BANK1: variants seen among roughly 807,000 people sequenced by gnomAD.
BANK1 encodes the protein B cell scaffold protein with ankyrin repeats 1.
In BANK1, 95 loss-of-function variants were observed where a neutral mutation model predicts 94.5. That is an observed-to-expected ratio of 1.00 (90% confidence interval 0.85 to 1.19). The LOEUF (loss-of-function observed/expected upper bound fraction) is 1.19. BANK1 is among the 50% of genes most tolerant of loss of function. The pLI, the probability that BANK1 is intolerant of heterozygous loss-of-function variation, is 0.00. For synonymous variants in BANK1, 334 were observed against 308.4 expected, an observed-to-expected ratio of 1.08 and a Z score of -0.87; for missense variants, 987 against 932.2, an observed-to-expected ratio of 1.06 and a Z score of -0.77.
At chr4:101,865,078 G>A (rs1304350921) in intron 4 of BANK1, among the ~76,000 whole-genome samples, 1 of 152,106 alleles carries the variant, frequency 6.6e-6, no homozygotes, top group African/African-American at 2.4e-5. Context: ...AGGATGGAAG[G>A]TCAGAAAGAC....
In BANK1 at chr4:101,902,078, C is replaced by T. The variant is rs771518861; in HGVS notation, c.1009+6668C>T. On this transcript the variant is annotated intron_variant, in intron 6 of 16. Coordinates refer to ENST00000322953, the MANE Select transcript of BANK1 (RefSeq NM_017935.5). ...CCTGGCCCATCTCCAGCCAATTTTA[C>T]ACCATTCCTATCTGGCTAAGTATCC... is the stretch of plus-strand genomic sequence containing the variant. 5.9e-5 allele frequency among the ~76,000 whole-genome samples: 9 copies of T among 152,178 alleles called. 1 individual carries two copies. The highest frequency in any genetic ancestry group is 5.2e-4 in the Admixed American group (8 of 15,274).
intron 7 of BANK1, among the ~76,000 whole-genome samples, chr4:101,963,146 C>T (rs1422968772): frequency 6.6e-6 from 1 of 152,008 alleles, no homozygotes; most frequent in Non-Finnish European, 1.5e-5. Flanking sequence ...ATCTTATTTA[C>T]TGAATTTTAT....
At chr4:101,959,810 G>A (rs1176362586) in intron 7 of BANK1, among the ~76,000 whole-genome samples, 2 of 152,178 alleles carry the variant, frequency 1.3e-5, no homozygotes, top group African/African-American at 4.8e-5. Context: ...GAAATTGTTT[G>A]TGGCTAAACT....
intron 6 of BANK1, among the ~76,000 whole-genome samples, chr4:101,897,969 A>C (rs1722148621): frequency 6.6e-6 from 1 of 151,726 alleles, no homozygotes; most frequent in Non-Finnish European, 1.5e-5. Context: ...TATCTGAAAA[A>C]AATTATAAAA....
At chr4:101,810,281 T>A (rs1725696440) in intron 1 of BANK1, among the ~76,000 whole-genome samples, 1 of 152,234 alleles carries the variant, frequency 6.6e-6, no homozygotes, top group Non-Finnish European at 1.5e-5. Flanking sequence ...CTTTCAGAAC[T>A]GTAAGATAAT....
intron 1 of BANK1, among the ~76,000 whole-genome samples, chr4:101,828,752 C>CA: frequency 6.6e-6 from 1 of 152,186 alleles, no homozygotes; most frequent in South Asian, 2.1e-4. Flanking sequence ...CTAAAGAAAT[C>CA]AAGACCAACC....
At chr4:101,852,438 C>T (rs1038749661) in intron 2 of BANK1, among the ~76,000 whole-genome samples, 1 of 142,578 alleles carries the variant, frequency 7.0e-6, no homozygotes, top group East Asian at 2.0e-4. Flanking sequence ...ACATGACCCA[C>T]AAGCCAGAAA....
chr4:101,811,635 T>TA (rs1215570756), intron 1 of BANK1, among the ~76,000 whole-genome samples: 1 of 152,134 alleles, frequency 6.6e-6, no homozygotes, highest in South Asian at 2.1e-4. Flanking sequence ...TGATACATTT[T>TA]AAAAATGCCA....
At chr4:101,954,508 G>A (rs1207541234) in intron 7 of BANK1, among the ~76,000 whole-genome samples, 3 of 152,056 alleles carry the variant, frequency 2.0e-5, no homozygotes, top group Non-Finnish European at 2.9e-5. Context: ...TAAACCCCAT[G>A]GTACCAGAAC....
At position 101,840,211 on chromosome 4, in the gene BANK1, G is replaced by A. The variant is rs767668367; in HGVS notation, c.469+10005G>A. ...TCTCGATCTCCTGACCTCGTGATCC[G>A]CCCGCCTCGGCCTCCCGAAGTGCTG... On this transcript the variant is annotated intron_variant, in intron 2 of 16. Transcript: ENST00000322953. 3.7e-4 allele frequency among the ~76,000 whole-genome samples: 56 copies of A among 151,006 alleles called. 1 individual carries two copies. The highest frequency in any genetic ancestry group is 6.6e-4 in the Non-Finnish European group (45 of 67,774).
chr4:101,985,681 A>G (rs1286741062), intron 7 of BANK1, among the ~76,000 whole-genome samples: 1 of 152,116 alleles, frequency 6.6e-6, no homozygotes, highest in Non-Finnish European at 1.5e-5. Context: ...TGCATGTTCA[A>G]TCATGTTTCC....
intron 16 of BANK1, 57 bp from the exon 17 acceptor site, chr4:102,073,944 TAATC>T: frequency 2.4e-6 from 1 of 422,054 alleles, no homozygotes; most frequent in Non-Finnish European, 4.2e-6. Context: ...TAATGCCAAT[TAATC>T]AATTTAAATT....
In BANK1 at chr4:102,065,645, T is replaced by A. The variant is rs1728566356; in HGVS notation, c.2212+2507T>A. ...TTAGCAAACAGACTTTAAAGCACCTTAAACACTGAATTAGTGAAAAATGTG... is the reference window on the plus strand; with the variant it reads ...TTAGCAAACAGACTTTAAAGCACCTAAAACACTGAATTAGTGAAAAATGTG... On this transcript the variant is annotated intron_variant, in intron 13 of 16. Coordinates refer to ENST00000322953, the MANE Select transcript of BANK1 (RefSeq NM_017935.5). Among the ~76,000 whole-genome samples the A allele has an allele frequency of 2.0e-5, 3 of 151,912 alleles. No individual in the cohort carries two copies. The South Asian group carries it at 6.2e-4, about 32-fold the overall frequency.
intron 7 of BANK1, among the ~76,000 whole-genome samples, chr4:102,014,728 T>C (rs770683441): frequency 2.0e-5 from 3 of 152,134 alleles, no homozygotes; most frequent in Non-Finnish European, 4.4e-5. Flanking sequence ...ACAAGGTATT[T>C]TCGACTAATT....
intron 6 of BANK1, among the ~76,000 whole-genome samples, chr4:101,907,909 C>T (rs1384186576): frequency 3.3e-5 from 5 of 152,094 alleles, no homozygotes. Flanking sequence ...TAAAAGAGGA[C>T]ACAAACAAAG....
At position 101,830,133 on chromosome 4, in the gene BANK1, A is replaced by G. The variant is rs1172714761; in HGVS notation, c.396A>G (p.Gln132=). The change falls in exon 2 of 17, where the codon CAA becomes CAG. Residue 132 remains glutamine (Q), a synonymous_variant. Coordinates refer to ENST00000322953, the MANE Select transcript of BANK1 (RefSeq NM_017935.5). ...TCTATGAATTACTAAATATCTCTCA[A>G]AGCAGATGGGAGATCTCAACTGAAC... ...DQLYELLNIS[Q]SRWEISTEQE... is the part of the protein sequence containing the mutation. The G allele has an allele frequency of 2.5e-6, 4 of 1,610,442 alleles. No individual in the cohort carries two copies. In the African/African-American group the frequency reaches 4.0e-5, roughly 16 times the overall value.
chr4:101,899,818 A>G (rs970570559), intron 6 of BANK1, among the ~76,000 whole-genome samples: 1 of 152,228 alleles, frequency 6.6e-6, no homozygotes, highest in Non-Finnish European at 1.5e-5. Flanking sequence ...TGGCCTGAGT[A>G]TACAAGGAGC....
intron 2 of BANK1, among the ~76,000 whole-genome samples, chr4:101,836,590 G>A (rs891392379): frequency 6.6e-6 from 1 of 152,164 alleles, no homozygotes; most frequent in African/African-American, 2.4e-5. Context: ...GTGTTTTTAA[G>A]TACAGATTTA....
intron 7 of BANK1, among the ~76,000 whole-genome samples, chr4:101,943,486 G>A (rs938981841): frequency 6.6e-6 from 1 of 151,836 alleles, no homozygotes; most frequent in Non-Finnish European, 1.5e-5. Context: ...GTGGATTGGT[G>A]TGGGGATGGA....
Sources: gnomAD v4.1 joint callset for allele counts (sites outside exome capture counted in the v4.1 genomes callset) on GRCh38, gnomAD v4.1.1 for gene constraint, MANE v1.5 for transcripts, NCBI Gene and HGNC (gene_info 2026-07-23, HGNC 2026-07-21) for gene names.